Variants in DLGAP2 observed in about 807,000 individuals in gnomAD.
The protein encoded by DLGAP2 is disks large-associated protein 2.
A neutral mutation model predicts 100.3 loss-of-function variants in DLGAP2; 26 were observed. That is an observed-to-expected ratio of 0.26 (90% CI 0.19 to 0.36). The LOEUF is 0.36. Among genes scored for constraint, DLGAP2 ranks in the 10% least tolerant of loss-of-function variants. The pLI is 1.00. For synonymous variants in DLGAP2, 886 were observed against 630.1 expected (o/e 1.41, Z -6.08); for missense variants, 1,858 against 1,453.2 (o/e 1.28, Z -4.53).
chr8:864,773 C>T (rs573063073), intron 1 of DLGAP2, among the ~76,000 whole-genome samples: 2 of 152,076 alleles, frequency 1.3e-5, no homozygotes, highest in Admixed American at 1.3e-4. Context: ...CTGCCAGGGT[C>T]CTGCGTTAAC....
chr8:1,463,552 C>T (rs546424033), intron 3 of DLGAP2, among the ~76,000 whole-genome samples: 6 of 152,356 alleles, frequency 3.9e-5, no homozygotes, highest in Non-Finnish European at 8.8e-5. Context: ...CCCGGGTGGC[C>T]CCGAGCTGGT....
At chr8:1,544,578 T>C (rs1276485375) in intron 4 of DLGAP2, among the ~76,000 whole-genome samples, 2 of 152,340 alleles carry the variant, frequency 1.3e-5, no homozygotes, top group South Asian at 2.1e-4. Context: ...GTGTTGAGTA[T>C]GTGGCCTTTT....
chr8:795,197 G>A lies in DLGAP2; in HGVS notation c.18+57372G>A, dbSNP rs565399268. 2.0e-5 allele frequency among the ~76,000 whole-genome samples: 3 copies of A among 152,286 alleles called. No individual in the cohort carries two copies. The South Asian group carries it at 6.2e-4, about 32-fold the overall frequency. On this transcript the variant is annotated intron_variant, in intron 1 of 14. Coordinates refer to ENST00000637795, the MANE Select transcript of DLGAP2 (RefSeq NM_001346810.2). ...AACCCTTGCTCCTGAAGAAACACAG[G>A]TTCCTGCAAGCCTCTAGCCAGGGCA...
At chr8:923,470 C>G (rs1488289175) in intron 2 of DLGAP2, among the ~76,000 whole-genome samples, 2 of 152,216 alleles carry the variant, frequency 1.3e-5, no homozygotes, top group African/African-American at 4.8e-5. Flanking sequence ...CGCCCAGGAG[C>G]TGGAGATGCC....
intron 6 of DLGAP2, among the ~76,000 whole-genome samples, chr8:1,598,757 T>C (rs1191203858): frequency 6.6e-6 from 1 of 152,188 alleles, no homozygotes; most frequent in Non-Finnish European, 1.5e-5. Context: ...TTCTCTGTTT[T>C]CTTCTTTAAT....
intron 7 of DLGAP2, among the ~76,000 whole-genome samples, chr8:1,629,373 G>A (rs535993137): frequency 2.7e-4 from 41 of 152,252 alleles, no homozygotes; most frequent in South Asian, 4.1e-4. Flanking sequence ...CTAGCCCTGC[G>A]CTCAAGTCCT....
intron 3 of DLGAP2, among the ~76,000 whole-genome samples, chr8:1,425,726 A>C (rs1194452262): frequency 1.3e-5 from 2 of 152,164 alleles, no homozygotes; most frequent in East Asian, 3.9e-4. Context: ...TGGGCTCATG[A>C]ACCAAGATAA....
intron 1 of DLGAP2, among the ~76,000 whole-genome samples, chr8:871,241 A>C (rs1797592576): frequency 6.6e-6 from 1 of 152,196 alleles, no homozygotes; most frequent in Non-Finnish European, 1.5e-5. Flanking sequence ...GCATTTCTTC[A>C]GATGGCCATC....
At chr8:1,149,177 G>A (rs962045184) in intron 2 of DLGAP2, among the ~76,000 whole-genome samples, 1 of 151,640 alleles carries the variant, frequency 6.6e-6, no homozygotes, top group Admixed American at 6.6e-5. Flanking sequence ...ATGGAGCCTC[G>A]CTCTGTTGCC....
intron 2 of DLGAP2, among the ~76,000 whole-genome samples, chr8:1,249,067 A>G (rs4560815): frequency 0.77 from 117,077 of 152,058 alleles, 45,661 homozygotes; most frequent in Middle Eastern, 0.89. Context: ...GCTGGGACAG[A>G]GGCTGAGAAC....
At chr8:1,156,749 G>C (rs958365732) in intron 2 of DLGAP2, among the ~76,000 whole-genome samples, 13 of 152,122 alleles carry the variant, frequency 8.5e-5, no homozygotes, top group African/African-American at 2.9e-4. Context: ...CCCCCGTTTG[G>C]TGCCCCAGCT....
At chr8:880,464 C>A (rs937909179) in intron 1 of DLGAP2, among the ~76,000 whole-genome samples, 3 of 152,128 alleles carry the variant, frequency 2.0e-5, no homozygotes, top group Non-Finnish European at 4.4e-5. Flanking sequence ...CAGCCCTTGC[C>A]TGCGACATGG....
At chr8:1,278,786 A>T (rs958162817) in intron 3 of DLGAP2, among the ~76,000 whole-genome samples, 1 of 152,240 alleles carries the variant, frequency 6.6e-6, no homozygotes, top group Non-Finnish European at 1.5e-5. Flanking sequence ...GCTTTAAGCC[A>T]TAAAAATAAT....
At chr8:1,451,734 A>T (rs1408324685) in intron 3 of DLGAP2, among the ~76,000 whole-genome samples, 2 of 151,818 alleles carry the variant, frequency 1.3e-5, no homozygotes, top group African/African-American at 4.8e-5. Context: ...AACTCCATCT[A>T]TGTCCAGGAG....
At chr8:1,047,143 A>G (rs577076952) in intron 2 of DLGAP2, among the ~76,000 whole-genome samples, 2 of 152,288 alleles carry the variant, frequency 1.3e-5, no homozygotes, top group African/African-American at 4.8e-5. Flanking sequence ...GTCACTGCCC[A>G]TCATCTCCTT....
At chr8:1,676,206 G>C (rs1798807595) in intron 10 of DLGAP2, among the ~76,000 whole-genome samples, 1 of 152,178 alleles carries the variant, frequency 6.6e-6, no homozygotes, top group Non-Finnish European at 1.5e-5. Flanking sequence ...GGCGTGATAA[G>C]AGCTTTTAAG....
chr8:938,627 C>T (rs996384701), intron 2 of DLGAP2, among the ~76,000 whole-genome samples: 16 of 152,214 alleles, frequency 1.1e-4, no homozygotes, highest in African/African-American at 3.6e-4. Flanking sequence ...CTTGGATGGC[C>T]ACACTGGCCT....
intron 3 of DLGAP2, among the ~76,000 whole-genome samples, chr8:1,473,876 C>T (rs1409590275): frequency 6.6e-6 from 1 of 152,140 alleles, no homozygotes; most frequent in Non-Finnish European, 1.5e-5. Context: ...CACCTTCCAC[C>T]ATGATTGTGA....
chr8:1,179,104 C>A (rs1193338733), intron 2 of DLGAP2, among the ~76,000 whole-genome samples: 2 of 152,206 alleles, frequency 1.3e-5, no homozygotes, highest in East Asian at 3.8e-4. Context: ...AGTGACTTTT[C>A]TACACCTGTT....
Sources: allele counts gnomAD v4.1 joint callset (sites outside exome capture counted in the v4.1 genomes callset), GRCh38; gene constraint gnomAD v4.1.1; transcripts MANE v1.5; gene names NCBI Gene and HGNC (gene_info 2026-07-23, HGNC 2026-07-21).